The following MAPK10 variants were observed in gnomAD, a reference collection of about 807,000 sequenced individuals.
MAPK10 encodes mitogen-activated protein kinase 10.
Under a neutral mutation model 59.3 loss-of-function variants are expected in MAPK10, and 25 were observed. The observed-to-expected ratio is 0.42, with a 90% CI of 0.31 to 0.59. The LOEUF is 0.59. Ranked by LOEUF, MAPK10 falls within the 20% of genes least tolerant of loss-of-function variation. The pLI, the probability that MAPK10 is intolerant of heterozygous loss-of-function variation, is 0.15. For synonymous variants in MAPK10, 190 were observed against 200.5 expected (o/e 0.95, Z 0.44); for missense variants, 351 against 568.9 (o/e 0.62, Z 3.90).
At chr4:86,518,045 CAG>C (rs1366389674) in intron 1 of MAPK10, among the ~76,000 whole-genome samples, 1 of 152,026 alleles carries the variant, frequency 6.6e-6, no homozygotes, top group Admixed American at 6.6e-5. Flanking sequence ...GTTTTTTGAA[CAG>C]AGTCTTGCTC....
intron 4 of MAPK10, among the ~76,000 whole-genome samples, chr4:86,118,615 CAT>C (rs760644708): frequency 3.6e-3 from 489 of 136,164 alleles, no homozygotes; most frequent in Non-Finnish European, 5.7e-3. Context: ...CACACACACA[CAT>C]CTCTGAAGGC....
intron 3 of MAPK10, among the ~76,000 whole-genome samples, chr4:86,185,203 T>C (rs2077898743): frequency 6.6e-6 from 1 of 152,176 alleles, no homozygotes; most frequent in Admixed American, 6.5e-5. Context: ...GCAAAATGCA[T>C]TCAAGTGGAG....
chr4:86,522,203 G>T (rs910264830), intron 1 of MAPK10, among the ~76,000 whole-genome samples: 11 of 152,118 alleles, frequency 7.2e-5, no homozygotes, highest in Non-Finnish European at 1.2e-4. Context: ...TGGCTGTCTT[G>T]TGGCATTTTT....
intron 2 of MAPK10, among the ~76,000 whole-genome samples, chr4:86,314,627 C>T (rs4299551): frequency 0.3 from 46,233 of 151,934 alleles, 7,482 homozygotes; most frequent in Non-Finnish European, 0.37. Flanking sequence ...TAGGTATATA[C>T]ATGTGCGAAA....
chr4:86,090,564 G>A (rs1308474646), intron 9 of MAPK10: 6 of 152,078 alleles, frequency 3.9e-5, no homozygotes, highest in African/African-American at 1.2e-4. Context: ...AAACAGTTGT[G>A]CATCCCTTTA....
chr4:86,308,108 T>C (rs187326872), intron 2 of MAPK10, among the ~76,000 whole-genome samples: 2 of 152,140 alleles, frequency 1.3e-5, no homozygotes, highest in East Asian at 3.9e-4. Flanking sequence ...TCATTCGTAC[T>C]AAAAGGGAAG....
intron 4 of MAPK10, among the ~76,000 whole-genome samples, chr4:86,136,922 T>C (rs1414107395): frequency 1.3e-5 from 2 of 151,846 alleles, no homozygotes; most frequent in Non-Finnish European, 2.9e-5. Flanking sequence ...CCAACAAAGA[T>C]GAAAAGAGAC....
At chr4:86,546,165 G>A (rs1225340698) in intron 1 of MAPK10, among the ~76,000 whole-genome samples, 1 of 152,162 alleles carries the variant, frequency 6.6e-6, no homozygotes, top group Non-Finnish European at 1.5e-5. Flanking sequence ...AGAGGCTGCA[G>A]TAAGCCGAGA....
intron 1 of MAPK10, among the ~76,000 whole-genome samples, chr4:86,547,649 C>T (rs1448700371): frequency 6.6e-6 from 1 of 152,232 alleles, no homozygotes; most frequent in African/African-American, 2.4e-5. Context: ...CGGCGGCAGG[C>T]AGGGAGCTCC....
chr4:86,313,094 C>A (rs2095703408), intron 2 of MAPK10, among the ~76,000 whole-genome samples: 1 of 151,918 alleles, frequency 6.6e-6, no homozygotes, highest in Admixed American at 6.6e-5. Flanking sequence ...TATACACACA[C>A]ATAGATAGAT....
intron 1 of MAPK10, among the ~76,000 whole-genome samples, chr4:86,416,215 C>T (rs1040050965): frequency 6.6e-6 from 1 of 152,138 alleles, no homozygotes; most frequent in South Asian, 2.1e-4. Flanking sequence ...AGGAAAACAC[C>T]ATGTGAGGAC....
intron 1 of MAPK10, among the ~76,000 whole-genome samples, chr4:86,565,557 T>G (rs1760999283): frequency 6.6e-6 from 1 of 152,212 alleles, no homozygotes; most frequent in Non-Finnish European, 1.5e-5. Flanking sequence ...ACATCAGTGA[T>G]TAAATTGTAT....
At chr4:86,183,137 T>G (rs956746045) in intron 3 of MAPK10, among the ~76,000 whole-genome samples, 5 of 110,788 alleles carry the variant, frequency 4.5e-5, no homozygotes, top group Admixed American at 1.7e-4. Flanking sequence ...TTTTGGCTGG[T>G]TTTTTTTTAT....
intron 4 of MAPK10, 58 bp from the exon 5 acceptor site, chr4:86,107,410 C>A: frequency 6.4e-7 from 1 of 1,571,870 alleles, no homozygotes; most frequent in Admixed American, 1.9e-5. Flanking sequence ...AGAACTCTTG[C>A]CTACTTGATT....
chr4:86,338,790 T>G (rs1723112052), intron 2 of MAPK10, among the ~76,000 whole-genome samples: 2 of 152,154 alleles, frequency 1.3e-5, no homozygotes, highest in South Asian at 2.1e-4. Flanking sequence ...GTTATTTCAG[T>G]GATGAAAGTG....
intron 11 of MAPK10, among the ~76,000 whole-genome samples, chr4:86,038,075 T>C (rs1337780173): frequency 6.6e-6 from 1 of 152,212 alleles, no homozygotes; most frequent in Non-Finnish European, 1.5e-5. Flanking sequence ...CACATGAATC[T>C]CTAAAGAGAT....
intron 11 of MAPK10, among the ~76,000 whole-genome samples, chr4:86,038,311 A>G (rs988280239): frequency 6.6e-6 from 1 of 152,188 alleles, no homozygotes; most frequent in Admixed American, 6.5e-5. Flanking sequence ...CAGTGTGTGC[A>G]CTCATTATTA....
intron 3 of MAPK10, among the ~76,000 whole-genome samples, chr4:86,161,159 C>T (rs2069498298): frequency 6.6e-6 from 1 of 151,958 alleles, no homozygotes; most frequent in African/African-American, 2.4e-5. Context: ...ACTAAGACCT[C>T]AAAGAATAGA....
intron 1 of MAPK10, among the ~76,000 whole-genome samples, chr4:86,408,703 T>C (rs973671132): frequency 4.6e-5 from 7 of 152,264 alleles, no homozygotes; most frequent in African/African-American, 1.7e-4. Context: ...TGTCTTCTTT[T>C]GAGAAGTGTC....
Sources: allele counts gnomAD v4.1 joint callset (sites outside exome capture counted in the v4.1 genomes callset), GRCh38; gene constraint gnomAD v4.1.1; transcripts MANE v1.5; gene names NCBI Gene and HGNC (gene_info 2026-07-23, HGNC 2026-07-21).